The following ASTN1 variants were observed in gnomAD, a reference collection of about 807,000 sequenced individuals.
ASTN1 encodes astrotactin-1.
A neutral mutation model predicts 140.7 loss-of-function variants in ASTN1; 41 were observed. The ratio of observed to expected loss-of-function variants is 0.29; its 90% confidence interval spans 0.23 to 0.38. The LOEUF is 0.38. ASTN1 is among the 10% of genes least tolerant of loss of function. The probability of loss-of-function intolerance (pLI) is 1.00; values close to 1 mark genes in which losing one functional copy is unlikely to be tolerated. For synonymous variants in ASTN1, 640 were observed against 652.2 expected, an observed-to-expected ratio of 0.98 and a Z score of 0.29; for missense variants, 1,479 against 1,678.8, an observed-to-expected ratio of 0.88 and a Z score of 2.08.
intron 18 of ASTN1, among the ~76,000 whole-genome samples, chr1:176,884,962 A>G (rs1452645449): frequency 1.3e-5 from 2 of 152,236 alleles, no homozygotes; most frequent in African/African-American, 4.8e-5. Context: ...TAACCTTATC[A>G]GGATCTGCCG....
chr1:177,111,851 G>A (rs530953734), intron 1 of ASTN1, among the ~76,000 whole-genome samples: 16 of 152,200 alleles, frequency 1.1e-4, no homozygotes, highest in South Asian at 2.1e-4. Flanking sequence ...CTTAAGAGTC[G>A]GTAGCAGCCC....
At chr1:177,115,333 G>A (rs1481263501) in intron 1 of ASTN1, among the ~76,000 whole-genome samples, 2 of 152,108 alleles carry the variant, frequency 1.3e-5, no homozygotes. Flanking sequence ...AGATACATGT[G>A]CAATTATACT....
At chr1:176,917,359 G>A (rs1211055969) in intron 16 of ASTN1, among the ~76,000 whole-genome samples, 2 of 152,174 alleles carry the variant, frequency 1.3e-5, no homozygotes, top group African/African-American at 4.8e-5. Context: ...TGAGAACTGG[G>A]CAGAGTAAGG....
intron 1 of ASTN1, among the ~76,000 whole-genome samples, chr1:177,157,642 AT>A (rs1010422754): frequency 7.9e-5 from 12 of 151,098 alleles, no homozygotes; most frequent in African/African-American, 2.7e-4. Context: ...ATTAATTTGT[AT>A]TTTTTTTTAA....
chr1:177,129,610 G>A (rs1681843254), intron 1 of ASTN1, among the ~76,000 whole-genome samples: 1 of 152,192 alleles, frequency 6.6e-6, no homozygotes, highest in Non-Finnish European at 1.5e-5. Flanking sequence ...TAACATTCTT[G>A]AGACCCAGTG....
intron 9 of ASTN1, among the ~76,000 whole-genome samples, chr1:176,963,571 G>A (rs1190624904): frequency 2.6e-5 from 4 of 152,292 alleles, no homozygotes; most frequent in Non-Finnish European, 4.4e-5. Context: ...TAAAACATCC[G>A]GTTGGCAGCC....
At chr1:176,906,953 T>A (rs970616691) in intron 16 of ASTN1, among the ~76,000 whole-genome samples, 4 of 152,096 alleles carry the variant, frequency 2.6e-5, no homozygotes, top group Admixed American at 2.6e-4. Context: ...ATAGCTGGTA[T>A]AAATTAGGAG....
intron 2 of ASTN1, among the ~76,000 whole-genome samples, 181 bp downstream of exon 2, chr1:177,060,897 T>C (rs1467505302): frequency 6.6e-6 from 1 of 152,182 alleles, no homozygotes; most frequent in East Asian, 1.9e-4. Flanking sequence ...TTAGAAATAG[T>C]TGCAATTATT....
chr1:176,949,274 G>A lies in ASTN1; in HGVS notation c.1965C>T (p.Gly655=). Residue 655 remains glycine (G), a synonymous_variant, in exon 12 of 23, where the codon GGC becomes GGT. Coordinates refer to ENST00000361833, the MANE Select transcript of ASTN1 (RefSeq NM_004319.3). ...DRHIGVDCSD[G]FNGGCEQLCL... The stretch of plus-strand genomic sequence containing the variant: ...ACAGCTGCTCACAGCCGCCGTTGAA[G>A]CCGTCGGAACAGTCCACCCCGATGT... The A allele has an allele frequency of 6.2e-7, 1 of 1,614,112 alleles. No homozygotes were observed. The highest frequency in any genetic ancestry group is 8.5e-7 in the Non-Finnish European group (1 of 1,180,032).
intron 16 of ASTN1, among the ~76,000 whole-genome samples, chr1:176,920,315 C>T (rs974856255): frequency 2.6e-5 from 4 of 152,296 alleles, no homozygotes; most frequent in African/African-American, 9.6e-5. Context: ...GCTCCAGCCT[C>T]AGTGGGCAGC....
intron 16 of ASTN1, among the ~76,000 whole-genome samples, chr1:176,908,569 G>T (rs1670098557): frequency 6.6e-6 from 1 of 152,154 alleles, no homozygotes. Flanking sequence ...GTCAGCCTTG[G>T]GTTCACATTC....
rs138300101 is a variant in ASTN1, at chr1:176,876,579, C to G, written c.3421G>C (p.Val1141Leu). 5 of 1,614,062 alleles carry G rather than the reference C, an allele frequency of 3.1e-6. No homozygotes were observed. In the African/African-American group the frequency reaches 5.3e-5, roughly 17 times the overall value. The part of the protein sequence containing the change: ...GRRSRPSDVI[V>L]KTPCPVVDDV... ...TCCACCACGGGGCATGGGGTCTTCA[C>G]GATCACGTCGCTTGGCCTGGAGCGC... The change falls in exon 21 of 23, where the codon GTG becomes CTG. Residue 1141 changes from valine (V) to leucine (L), a missense_variant. Coordinates refer to ENST00000361833, the MANE Select transcript of ASTN1 (RefSeq NM_004319.3).
chr1:177,079,722 C>T (rs1036872026), intron 1 of ASTN1, among the ~76,000 whole-genome samples: 7 of 152,024 alleles, frequency 4.6e-5, no homozygotes, highest in African/African-American at 1.7e-4. Flanking sequence ...AAATACTGTC[C>T]TCACTTTACA....
At chr1:177,082,664 C>T (rs1280690392) in intron 1 of ASTN1, among the ~76,000 whole-genome samples, 2 of 152,294 alleles carry the variant, frequency 1.3e-5, no homozygotes, top group East Asian at 3.9e-4. Context: ...CCTCCCACTC[C>T]TCAGTTGTTC....
intron 8 of ASTN1, among the ~76,000 whole-genome samples, chr1:177,008,865 A>G (rs1006867192): frequency 1.3e-5 from 2 of 152,162 alleles, no homozygotes; most frequent in African/African-American, 4.8e-5. Flanking sequence ...GCACCCAGAG[A>G]TAAAGAAACA....
chr1:177,154,369 A>T (rs372120955), intron 1 of ASTN1, among the ~76,000 whole-genome samples: 220 of 152,330 alleles, frequency 1.4e-3, no homozygotes, highest in African/African-American at 5.0e-3. Context: ...AATTAAACTC[A>T]TTAAAATGTA....
chr1:177,068,026 A>C (rs1020268819), intron 1 of ASTN1, among the ~76,000 whole-genome samples: 17 of 152,214 alleles, frequency 1.1e-4, no homozygotes, highest in African/African-American at 4.1e-4. Context: ...CTCGGCCTGA[A>C]GTCAGCCAGC....
At chr1:177,069,013 G>A (rs948149706) in intron 1 of ASTN1, among the ~76,000 whole-genome samples, 1 of 151,578 alleles carries the variant, frequency 6.6e-6, no homozygotes, top group African/African-American at 2.4e-5. Flanking sequence ...ATGAGACGAG[G>A]TTTCACCATG....
chr1:177,045,760 A>G (rs764690147), intron 2 of ASTN1, among the ~76,000 whole-genome samples: 7 of 152,172 alleles, frequency 4.6e-5, no homozygotes, highest in Non-Finnish European at 7.3e-5. Context: ...AGTAAAATAA[A>G]CTAACCTGAA....
Sources: allele counts gnomAD v4.1 joint callset (sites outside exome capture counted in the v4.1 genomes callset), GRCh38; gene constraint gnomAD v4.1.1; transcripts MANE v1.5; gene names NCBI Gene and HGNC (gene_info 2026-07-23, HGNC 2026-07-21).